The following PDE1C variants were observed in gnomAD, a reference collection of about 807,000 sequenced individuals.
PDE1C encodes the protein dual specificity calcium/calmodulin-dependent 3',5'-cyclic nucleotide phosphodiesterase 1C.
A neutral mutation model predicts 93.1 loss-of-function variants in PDE1C; 62 were observed. That is an observed-to-expected ratio of 0.67 (90% CI 0.54 to 0.82). The LOEUF is 0.82. Ranked by LOEUF, PDE1C falls within the 40% of genes least tolerant of loss-of-function variation. The pLI is 0.00. For synonymous variants in PDE1C, 325 were observed against 310.1 expected (o/e 1.05, Z -0.50); for missense variants, 742 against 884.6 (o/e 0.84, Z 2.04).
chr7:31,746,346 A>C (rs1361281764), downstream of PDE1C, among the ~76,000 whole-genome samples: 1 of 152,216 alleles, frequency 6.6e-6, no homozygotes, highest in Non-Finnish European at 1.5e-5. Flanking sequence ...AAATGATAGT[A>C]GCAATAACAG....
intron 1 of PDE1C, among the ~76,000 whole-genome samples, chr7:32,232,630 G>A (rs1169600791): frequency 6.6e-6 from 1 of 152,204 alleles, no homozygotes; most frequent in African/African-American, 2.4e-5. Flanking sequence ...TGGAAAGGGA[G>A]AAACTTGGGA....
At chr7:31,622,559 C>T in the PDE1C span, among the ~76,000 whole-genome samples, 40,082 of 151,084 alleles carry the variant, frequency 0.27, 5,902 homozygotes, top group Non-Finnish European at 0.33. Flanking sequence ...TTGAAACCAA[C>T]GAGAATAAAG....
chr7:32,047,489 C>T (rs1421947938), intron 2 of PDE1C, among the ~76,000 whole-genome samples: 2 of 152,086 alleles, frequency 1.3e-5, no homozygotes, highest in South Asian at 2.1e-4. Flanking sequence ...CTTGCTAACC[C>T]GATAAAGAGG....
At chr7:31,650,607 T>C in the PDE1C span, among the ~76,000 whole-genome samples, 1 of 152,040 alleles carries the variant, frequency 6.6e-6, no homozygotes, top group African/African-American at 2.4e-5. Context: ...GCTTGTTAGG[T>C]GGATGAAGCT....
At chr7:32,282,450 C>G (rs1380383268) in intron 1 of PDE1C, among the ~76,000 whole-genome samples, 1 of 20,522 alleles carries the variant, frequency 4.9e-5, no homozygotes, top group East Asian at 2.1e-3. Flanking sequence ...CACACTCCAG[C>G]CTGGGCAACA....
chr7:32,109,131 A>C (rs772061890), intron 3 of PDE1C, among the ~76,000 whole-genome samples: 1 of 152,222 alleles, frequency 6.6e-6, no homozygotes, highest in African/African-American at 2.4e-5. Context: ...TGAGTCACTG[A>C]GGGTACAAAA....
At chr7:31,697,527 A>T in the PDE1C span, among the ~76,000 whole-genome samples, 2 of 152,188 alleles carry the variant, frequency 1.3e-5, no homozygotes, top group Non-Finnish European at 1.5e-5. Flanking sequence ...AGAGATGCAG[A>T]AATAAGGATA....
At chr7:31,679,750 G>A in the PDE1C span, among the ~76,000 whole-genome samples, 1 of 152,114 alleles carries the variant, frequency 6.6e-6, no homozygotes, top group Non-Finnish European at 1.5e-5. Context: ...CTGGTAGCTG[G>A]CATCAATTCC....
intron 2 of PDE1C, among the ~76,000 whole-genome samples, chr7:31,939,548 A>G (rs1805544590): frequency 2.0e-5 from 3 of 152,198 alleles, no homozygotes; most frequent in African/African-American, 7.2e-5. Context: ...GAGAGTTGAG[A>G]AAAATATAAA....
At chr7:32,277,800 T>A (rs1350463839) in intron 1 of PDE1C, among the ~76,000 whole-genome samples, 1 of 152,158 alleles carries the variant, frequency 6.6e-6, no homozygotes, top group Non-Finnish European at 1.5e-5. Flanking sequence ...AATATAACAC[T>A]AATGTGGGTA....
chr7:32,267,367 A>G (rs1431951726), intron 1 of PDE1C, among the ~76,000 whole-genome samples: 2 of 150,802 alleles, frequency 1.3e-5, no homozygotes, highest in African/African-American at 2.5e-5. Flanking sequence ...CACAGGTGGC[A>G]CAAACACCTC....
chr7:32,363,095 C>T (rs1469264588), intron 1 of PDE1C, among the ~76,000 whole-genome samples: 1 of 152,148 alleles, frequency 6.6e-6, no homozygotes, highest in Non-Finnish European at 1.5e-5. Context: ...ATAGTGACCA[C>T]ATAATTTATT....
chr7:32,262,969 G>C (rs374061183), intron 1 of PDE1C, among the ~76,000 whole-genome samples: 2 of 152,090 alleles, frequency 1.3e-5, no homozygotes, highest in African/African-American at 4.8e-5. Context: ...TAGATTCTTG[G>C]TTTTATTACC....
chr7:31,914,819 G>C (rs1343989403), intron 2 of PDE1C, among the ~76,000 whole-genome samples: 3 of 152,146 alleles, frequency 2.0e-5, no homozygotes, highest in African/African-American at 7.2e-5. Context: ...GTGTTTGGAA[G>C]AGAAGACTCC....
intron 1 of PDE1C, among the ~76,000 whole-genome samples, chr7:32,240,608 C>G (rs1363966906): frequency 2.0e-5 from 3 of 152,074 alleles, no homozygotes; most frequent in African/African-American, 7.2e-5. Flanking sequence ...GGAGGAGAGA[C>G]AGTAAGGGGC....
At chr7:32,080,668 G>A (rs1796611485) in intron 3 of PDE1C, among the ~76,000 whole-genome samples, 1 of 152,208 alleles carries the variant, frequency 6.6e-6, no homozygotes, top group African/African-American at 2.4e-5. Context: ...GGGAATGAGG[G>A]ATATTAACTA....
intron 1 of PDE1C, among the ~76,000 whole-genome samples, chr7:32,322,281 CA>C (rs770827377): frequency 6.6e-6 from 1 of 152,138 alleles, no homozygotes; most frequent in Non-Finnish European, 1.5e-5. Context: ...GGCCCACGTT[CA>C]AAAAGCTCAT....
the PDE1C span, among the ~76,000 whole-genome samples, chr7:31,629,945 GATATAA>G: frequency 6.6e-6 from 1 of 151,948 alleles, no homozygotes; most frequent in Non-Finnish European, 1.5e-5. Context: ...ATACAAACAT[GATATAA>G]ATATAATAAA....
intron 2 of PDE1C, among the ~76,000 whole-genome samples, chr7:31,949,159 T>TA (rs1027127079): frequency 3.3e-5 from 5 of 152,030 alleles, no homozygotes; most frequent in African/African-American, 9.7e-5. Context: ...TAGTTGGGGC[T>TA]AAAAAAACAT....
Sources: allele counts gnomAD v4.1 joint callset (sites outside exome capture counted in the v4.1 genomes callset), GRCh38; gene constraint gnomAD v4.1.1; transcripts MANE v1.5; gene names NCBI Gene and HGNC (gene_info 2026-07-23, HGNC 2026-07-21).